HDAC9: variants seen among roughly 807,000 people sequenced by gnomAD.
The protein encoded by HDAC9 is MEF-2 interacting transcription repressor (MITR) protein.
Under a neutral mutation model 139.4 loss-of-function variants are expected in HDAC9, and 41 were observed. The observed-to-expected ratio is 0.29, with a 90% CI of 0.23 to 0.38. The LOEUF (loss-of-function observed/expected upper bound fraction) is 0.38, where lower values mean the gene tolerates loss of function less well. Ranked by LOEUF, HDAC9 falls within the 10% of genes least tolerant of loss-of-function variation. The pLI, the probability that HDAC9 is intolerant of heterozygous loss-of-function variation, is 1.00. For synonymous variants in HDAC9, 517 were observed against 476.2 expected (o/e 1.09, Z -1.12); for missense variants, 1,147 against 1,297.0 (o/e 0.88, Z 1.78).
intron 22 of HDAC9, among the ~76,000 whole-genome samples, chr7:18,884,500 G>A (rs1181888539): frequency 6.6e-6 from 1 of 152,098 alleles, no homozygotes; most frequent in Non-Finnish European, 1.5e-5. Flanking sequence ...AAATGCAGAG[G>A]AATGAAATTA....
chr7:18,964,936 C>T (rs1008484380), intron 24 of HDAC9, among the ~76,000 whole-genome samples: 3 of 152,200 alleles, frequency 2.0e-5, no homozygotes, highest in Non-Finnish European at 4.4e-5. Flanking sequence ...TAGAAACAAT[C>T]CTTTGAATGC....
At chr7:18,405,609 G>C (rs906171379) in intron 1 of HDAC9, among the ~76,000 whole-genome samples, 3 of 152,106 alleles carry the variant, frequency 2.0e-5, no homozygotes, top group African/African-American at 7.2e-5. Context: ...AAAGGTAATG[G>C]AGATTGGGGC....
At chr7:18,880,192 C>T (rs1799626953) in intron 22 of HDAC9, among the ~76,000 whole-genome samples, 1 of 152,112 alleles carries the variant, frequency 6.6e-6, no homozygotes, top group Admixed American at 6.6e-5. Flanking sequence ...AAAAGGAACA[C>T]TTAGACACTG....
intron 1 of HDAC9, among the ~76,000 whole-genome samples, chr7:18,116,975 C>T (rs1343758236): frequency 6.6e-6 from 1 of 152,188 alleles, no homozygotes; most frequent in Non-Finnish European, 1.5e-5. Context: ...TTGTTACAAT[C>T]ATTCTGAATT....
At chr7:18,786,796 T>TTCCTTCC (rs1791846310) in intron 16 of HDAC9, among the ~76,000 whole-genome samples, 3 of 44,062 alleles carry the variant, frequency 6.8e-5, no homozygotes, top group Non-Finnish European at 1.1e-4. Context: ...TCTTTCTTTC[T>TTCCTTCC]TTCCTTCCTT....
intron 1 of HDAC9, among the ~76,000 whole-genome samples, chr7:18,465,424 A>T (rs1794187958): frequency 6.6e-6 from 1 of 152,012 alleles, no homozygotes; most frequent in Non-Finnish European, 1.5e-5. Flanking sequence ...TTATATATTC[A>T]TTATTAAGAA....
At chr7:18,588,736 GA>G (rs1466297464) in intron 3 of HDAC9, among the ~76,000 whole-genome samples, 4 of 152,026 alleles carry the variant, frequency 2.6e-5, no homozygotes, top group South Asian at 2.1e-4. Context: ...GGGCGTGTGT[GA>G]AAAAAATATA....
intron 13 of HDAC9, among the ~76,000 whole-genome samples, chr7:18,738,415 G>T (rs1366622945): frequency 6.8e-6 from 1 of 147,668 alleles, no homozygotes; most frequent in Non-Finnish European, 1.5e-5. Context: ...TTCTTTCCAT[G>T]TTTAGTGCTT....
intron 1 of HDAC9, among the ~76,000 whole-genome samples, chr7:18,462,585 T>G (rs1483316831): frequency 6.6e-6 from 1 of 152,062 alleles, no homozygotes; most frequent in African/African-American, 2.4e-5. Flanking sequence ...TCAGTGTTTT[T>G]GTTTCATTTT....
At chr7:18,701,405 AACAAAACAAAC>A (rs1234755685) in intron 12 of HDAC9, among the ~76,000 whole-genome samples, 2 of 102,126 alleles carry the variant, frequency 2.0e-5, no homozygotes, top group African/African-American at 1.1e-4. Flanking sequence ...TTTAAAAAAA[AACAAAACAAAC>A]AAAAAAAAAA....
At chr7:18,629,913 C>G (rs1011766225) in intron 7 of HDAC9, among the ~76,000 whole-genome samples, 6 of 152,084 alleles carry the variant, frequency 3.9e-5, no homozygotes, top group African/African-American at 1.4e-4. Context: ...ACAGCAAAAC[C>G]TTGACTTTTC....
intron 14 of HDAC9, among the ~76,000 whole-genome samples, chr7:18,751,019 A>G (rs1403803632): frequency 6.6e-6 from 1 of 152,234 alleles, no homozygotes; most frequent in East Asian, 1.9e-4. Flanking sequence ...CTGAAGGAGA[A>G]CTGTTTATGA....
At chr7:18,530,608 A>G (rs1333616067) in intron 2 of HDAC9, among the ~76,000 whole-genome samples, 1 of 152,016 alleles carries the variant, frequency 6.6e-6, no homozygotes, top group East Asian at 1.9e-4. Context: ...GAAGTTTCTT[A>G]TTTTACATTC....
chr7:18,472,050 C>T (rs1261489696), intron 1 of HDAC9, among the ~76,000 whole-genome samples: 1 of 152,176 alleles, frequency 6.6e-6, no homozygotes, highest in East Asian at 1.9e-4. Flanking sequence ...CTGCTGTGAA[C>T]AGGGCTGTTC....
rs1268639486 is a variant in HDAC9, at chr7:18,456,484, G to A, written c.-41-39778G>A. ...CTCTTGACCTCAGGTATCCACCCACGTCGGCCTCCCAAAGTGCTGGGATTA... is the reference window on the plus strand; with the variant it reads ...CTCTTGACCTCAGGTATCCACCCACATCGGCCTCCCAAAGTGCTGGGATTA... On this transcript the variant is annotated intron_variant, in intron 1 of 3. Coordinates refer to the HDAC9 transcript ENST00000413509. Among the ~76,000 whole-genome samples, 6 of 152,118 alleles carry A rather than the reference G, an allele frequency of 3.9e-5. No individual in the cohort carries two copies. In the East Asian group the frequency reaches 9.7e-4, roughly 25 times the overall value.
intron 21 of HDAC9, among the ~76,000 whole-genome samples, chr7:18,853,510 T>C (rs1024805207): frequency 6.6e-6 from 1 of 152,188 alleles, no homozygotes; most frequent in Non-Finnish European, 1.5e-5. Flanking sequence ...TTCTGAAAAT[T>C]TAATCCCCAA....
rs1036390180 is a variant in HDAC9 at position 18,328,238 on chromosome 7, CA to C, written c.-42+37725del. Among the ~76,000 whole-genome samples the C allele has an allele frequency of 3.9e-5, 6 of 152,000 alleles. No individual in the cohort carries two copies. The East Asian group carries it at 1.2e-3, about 30-fold the overall frequency. On this transcript the variant is annotated intron_variant, in intron 1 of 3. Coordinates refer to the HDAC9 transcript ENST00000413509. ...GTCAGCTGCCTTCCAGGGCTTTTTG[CA>C]ACGTGGAATTGCCTTTACTCGTTTA...
intron 1 of HDAC9, among the ~76,000 whole-genome samples, chr7:18,395,837 T>C (rs1786978218): frequency 6.6e-6 from 1 of 152,192 alleles, no homozygotes; most frequent in South Asian, 2.1e-4. Context: ...TAGAATTTCA[T>C]GTTGATACCA....
At chr7:18,870,172 C>T (rs6978417) in intron 21 of HDAC9, among the ~76,000 whole-genome samples, 5,089 of 152,130 alleles carry the variant, frequency 0.033, 254 homozygotes, top group East Asian at 0.13. Context: ...GTGTACAATG[C>T]TCTTATCTAA....
Sources: allele counts gnomAD v4.1 joint callset (sites outside exome capture counted in the v4.1 genomes callset), GRCh38; gene constraint gnomAD v4.1.1; transcripts MANE v1.5; gene names NCBI Gene and HGNC (gene_info 2026-07-23, HGNC 2026-07-21).